Variants in SORCS2 observed in about 807,000 individuals in gnomAD.
SORCS2 encodes sortilin related VPS10 domain containing receptor 2, also known as VPS10 domain-containing receptor SorCS2.
Under a neutral mutation model 141.6 loss-of-function variants are expected in SORCS2, and 100 were observed. That is an observed-to-expected ratio of 0.71 (90% CI 0.60 to 0.83). The LOEUF is 0.83. Among genes scored for constraint, SORCS2 ranks in the 40% least tolerant of loss-of-function variants. SORCS2 has a pLI of 0.00. For missense variants in SORCS2, 1,646 were observed against 1,560.2 expected (o/e 1.05, Z -0.93); for synonymous variants, 789 against 676.9 (o/e 1.17, Z -2.57).
intron 1 of SORCS2, among the ~76,000 whole-genome samples, chr4:7,227,674 C>A (rs1486158707): frequency 6.6e-6 from 1 of 152,146 alleles, no homozygotes; most frequent in African/African-American, 2.4e-5. Context: ...CCTCACCCAC[C>A]GCGCTGCTTC....
intron 4 of SORCS2, among the ~76,000 whole-genome samples, chr4:7,640,453 T>A (rs1720650287): frequency 8.6e-6 from 1 of 116,418 alleles, no homozygotes; most frequent in African/African-American, 3.1e-5. Flanking sequence ...AGTGTGTGGG[T>A]GTGTATGAGC....
intron 2 of SORCS2, among the ~76,000 whole-genome samples, chr4:7,515,537 G>A (rs901234254): frequency 2.0e-5 from 3 of 152,226 alleles, no homozygotes; most frequent in Non-Finnish European, 4.4e-5. Flanking sequence ...AGGAGGAGGA[G>A]CAGCTTCCTC....
intron 21 of SORCS2, among the ~76,000 whole-genome samples, chr4:7,727,218 T>C (rs1174405297): frequency 2.0e-5 from 3 of 150,642 alleles, no homozygotes; most frequent in African/African-American, 7.3e-5. Context: ...GGGCACTGGC[T>C]GTGCCTGCCT....
intron 1 of SORCS2, among the ~76,000 whole-genome samples, chr4:7,200,721 C>T (rs1461052403): frequency 2.6e-5 from 4 of 152,130 alleles, no homozygotes; most frequent in South Asian, 4.1e-4. Flanking sequence ...CTGCTGTTCA[C>T]GCTTGGATGA....
At chr4:7,324,749 C>T (rs187123563) in intron 1 of SORCS2, among the ~76,000 whole-genome samples, 14 of 152,268 alleles carry the variant, frequency 9.2e-5, no homozygotes, top group East Asian at 1.9e-4. Flanking sequence ...TAAAAGCAGA[C>T]GGAAAGTGTG....
intron 3 of SORCS2, among the ~76,000 whole-genome samples, chr4:7,593,844 G>A (rs948937793): frequency 3.3e-5 from 5 of 152,170 alleles, no homozygotes; most frequent in Admixed American, 6.5e-5. Flanking sequence ...CAACTCCGGC[G>A]ATACCTCTGC....
chr4:7,560,920 C>T (rs1366661228), intron 3 of SORCS2, among the ~76,000 whole-genome samples: 2 of 152,098 alleles, frequency 1.3e-5, no homozygotes, highest in East Asian at 3.9e-4. Flanking sequence ...ATCAGGTTTG[C>T]CAAGCGAGAT....
In SORCS2 at chr4:7,208,016, T is replaced by C. The variant is rs1486749514; in HGVS notation, c.480+14890T>C. Among the ~76,000 whole-genome samples the C allele has an allele frequency of 7.2e-5, 11 of 151,944 alleles. No individual in the cohort carries two copies. The East Asian group carries it at 2.1e-3, about 29-fold the overall frequency. On this transcript the variant is annotated intron_variant, in intron 1 of 26. Coordinates refer to ENST00000507866, the MANE Select transcript of SORCS2 (RefSeq NM_020777.3). ...GCGGGAAGGGAGTTTTCGGGCGCCT[T>C]CTCCCAGGATCCCACCTCCCCCAGT...
chr4:7,366,417 A>G (rs1306009245), intron 1 of SORCS2, among the ~76,000 whole-genome samples: 1 of 151,142 alleles, frequency 6.6e-6, no homozygotes, highest in Non-Finnish European at 1.5e-5. Context: ...TCAGCACAGG[A>G]GGCGTTTCCA....
chr4:7,268,624 C>A (rs1162291687), intron 1 of SORCS2, among the ~76,000 whole-genome samples: 1 of 152,234 alleles, frequency 6.6e-6, no homozygotes, highest in Non-Finnish European at 1.5e-5. Flanking sequence ...AAGCCCAGGG[C>A]AGCCTGCAGG....
intron 4 of SORCS2, among the ~76,000 whole-genome samples, chr4:7,651,884 T>C (rs1330354638): frequency 6.6e-6 from 1 of 152,184 alleles, no homozygotes; most frequent in African/African-American, 2.4e-5. Flanking sequence ...GGCACATTCT[T>C]CTTAGGCCAT....
chr4:7,716,056 A>G (rs927359639), intron 17 of SORCS2, among the ~76,000 whole-genome samples: 6 of 152,202 alleles, frequency 3.9e-5, no homozygotes, highest in African/African-American at 1.4e-4. Context: ...GAGGCTGGAC[A>G]TACTGCTATG....
intron 2 of SORCS2, among the ~76,000 whole-genome samples, chr4:7,521,270 A>T (rs1200703734): frequency 2.6e-5 from 4 of 152,216 alleles, no homozygotes; most frequent in Admixed American, 2.6e-4. Context: ...GTGGGTTCAG[A>T]TCCTGCTGCC....
chr4:7,229,670 G>A (rs1475433881), intron 1 of SORCS2, among the ~76,000 whole-genome samples: 1 of 152,248 alleles, frequency 6.6e-6, no homozygotes. Context: ...CTTCTGTCAC[G>A]GTCGTGGGTG....
rs75369682 is a variant in SORCS2 at position 7,740,978 on chromosome 4, G to C, written c.*714G>C. 2.5e-6 allele frequency: 1 copy of C among 398,424 alleles called. No homozygotes were observed. Among genetic ancestry groups the C allele is most frequent in the Non-Finnish European group, 4.4e-6 (1 of 226,232 alleles). 24.7% of individuals were successfully genotyped at this position (398,424 alleles called of 1,614,324 possible). A position where few individuals can be genotyped will look rare whatever the true frequency, so the allele number is the denominator to read the frequency against. On this transcript the variant is annotated 3_prime_UTR_variant, in exon 27 of 27. Transcript: ENST00000507866. ...GTCTCCTCTGCCCAGAGGGGCAGCA[G>C]CTCTCCCTGGTTCTCCCCAGGGCAG...
chr4:7,529,373 C>T (rs1434874067), intron 2 of SORCS2, among the ~76,000 whole-genome samples: 2 of 152,144 alleles, frequency 1.3e-5, no homozygotes, highest in East Asian at 3.9e-4. Context: ...TCCTTATCGT[C>T]CATCTGCCTC....
At chr4:7,455,094 A>G (rs1236810048) in intron 2 of SORCS2, among the ~76,000 whole-genome samples, 17 of 52,956 alleles carry the variant, frequency 3.2e-4, no homozygotes, top group South Asian at 1.2e-3. Context: ...GGGGTCAGGC[A>G]CTGTGTTGGG....
chr4:7,459,421 C>T (rs929331426), intron 2 of SORCS2, among the ~76,000 whole-genome samples: 1 of 152,130 alleles, frequency 6.6e-6, no homozygotes, highest in Non-Finnish European at 1.5e-5. Context: ...TGAGTTTGAG[C>T]CCCTGTCTGG....
At chr4:7,276,259 G>C (rs1227944498) in intron 1 of SORCS2, among the ~76,000 whole-genome samples, 1 of 152,176 alleles carries the variant, frequency 6.6e-6, no homozygotes, top group Admixed American at 6.5e-5. Flanking sequence ...ATGTCATGGG[G>C]CTTTGGAAGA....
Sources: allele counts gnomAD v4.1 joint callset (sites outside exome capture counted in the v4.1 genomes callset), GRCh38; gene constraint gnomAD v4.1.1; transcripts MANE v1.5; gene names NCBI Gene and HGNC (gene_info 2026-07-23, HGNC 2026-07-21).